The following SMAD3 variants were observed in gnomAD, a reference collection of about 807,000 sequenced individuals.
SMAD3 encodes SMAD family member 3.
In SMAD3, 12 loss-of-function variants were observed where a neutral mutation model predicts 51.8. The ratio of observed to expected loss-of-function variants is 0.23; its 90% CI spans 0.15 to 0.38. The LOEUF is 0.38. Among genes scored for constraint, SMAD3 ranks in the 10% least tolerant of loss-of-function variants. The probability of loss-of-function intolerance (pLI) is 1.00; values close to 1 mark genes in which losing one functional copy is unlikely to be tolerated. For synonymous variants in SMAD3, 238 were observed against 227.7 expected (o/e 1.05, Z -0.41); for missense variants, 294 against 565.6 (o/e 0.52, Z 4.87).
chr15:67,126,111 T>C (rs1419639264), intron 1 of SMAD3: 2 of 323,812 alleles, frequency 6.2e-6, no homozygotes, highest in Non-Finnish European at 8.9e-6. Flanking sequence ...TCTTTTCTTT[T>C]CTGGGTTCAT....
chr15:67,069,968 T>G (rs972537810), intron 1 of SMAD3, among the ~76,000 whole-genome samples: 1 of 152,164 alleles, frequency 6.6e-6, no homozygotes, highest in Non-Finnish European at 1.5e-5. Flanking sequence ...CCTGCCAAAG[T>G]GCTGGGATTA....
chr15:67,146,425 A>G (rs1184349234), intron 1 of SMAD3, among the ~76,000 whole-genome samples: 1 of 152,230 alleles, frequency 6.6e-6, no homozygotes, highest in Non-Finnish European at 1.5e-5. Flanking sequence ...TTATAGACCC[A>G]GGGCACGTGG....
At chr15:67,074,495 T>A (rs7177795) in intron 1 of SMAD3, among the ~76,000 whole-genome samples, 68,602 of 152,128 alleles carry the variant, frequency 0.45, 15,871 homozygotes, top group South Asian at 0.66. Flanking sequence ...GAGCCTTTTG[T>A]TAGGCAGCGT....
chr15:67,166,410 A>C (rs1962589993), intron 3 of SMAD3: 1 of 411,210 alleles, frequency 2.4e-6, no homozygotes, highest in Non-Finnish European at 4.6e-6. Context: ...GAGCCTGCAG[A>C]TCTTCAGAGG....
chr15:67,139,842 G>C (rs1566981298), intron 1 of SMAD3, among the ~76,000 whole-genome samples: 1 of 152,054 alleles, frequency 6.6e-6, no homozygotes, highest in Non-Finnish European at 1.5e-5. Context: ...GTTTAGGCCA[G>C]GTGTGGTGGT....
chr15:67,153,746 A>C (rs999879917), intron 1 of SMAD3, among the ~76,000 whole-genome samples: 2 of 152,298 alleles, frequency 1.3e-5, no homozygotes, highest in Non-Finnish European at 2.9e-5. Flanking sequence ...TAGCCCCAAC[A>C]AAGATTAGCC....
intron 1 of SMAD3, among the ~76,000 whole-genome samples, chr15:67,080,390 G>A (rs535535896): frequency 4.6e-5 from 7 of 152,336 alleles, no homozygotes; most frequent in Admixed American, 4.6e-4. Context: ...GAAAGGAGGT[G>A]GAGGTCAAGG....
At chr15:67,104,884 AG>A in intron 1 of SMAD3, among the ~76,000 whole-genome samples, 1 of 152,350 alleles carries the variant, frequency 6.6e-6, no homozygotes, top group East Asian at 1.9e-4. Context: ...TCCCCCTTTT[AG>A]TACTGAAAGC....
chr15:67,190,096 T>TA (rs1258779631), intron 8 of SMAD3, among the ~76,000 whole-genome samples: 2 of 152,106 alleles, frequency 1.3e-5, no homozygotes, highest in African/African-American at 2.4e-5. Flanking sequence ...GGGGGCCTGT[T>TA]ACAGTAACTG....
chr15:67,147,478 C>T (rs1253387673), intron 1 of SMAD3, among the ~76,000 whole-genome samples: 1 of 152,160 alleles, frequency 6.6e-6, no homozygotes, highest in East Asian at 1.9e-4. Flanking sequence ...GGAGCTCACT[C>T]AGAAGGATCC....
chr15:67,178,954 C>A (rs981231943), intron 5 of SMAD3, among the ~76,000 whole-genome samples: 1 of 152,178 alleles, frequency 6.6e-6, no homozygotes, highest in African/African-American at 2.4e-5. Context: ...TTTGCCTCTC[C>A]ATCTTGATGG....
In SMAD3 at chr15:67,193,740, G is replaced by A. The variant is rs11556089; in HGVS notation, c.*3204G>A. 0.074 allele frequency: 17,081 copies of A among 232,068 alleles called. 751 individuals carry two copies. The highest frequency in any genetic ancestry group is 0.095 in the Non-Finnish European group (11,091 of 117,274). The allele number at this position is 232,068 out of a possible 1,614,324, so 14.4% of individuals were successfully genotyped here. ...ATGGTGATTATTTTTTTAAACCATC[G>A]TTAATATACTGAAGTGAGCTATAGC... On this transcript the variant is annotated 3_prime_UTR_variant, in exon 9 of 9. Coordinates refer to ENST00000327367, the MANE Select transcript of SMAD3 (RefSeq NM_005902.4).
intron 3 of SMAD3, among the ~76,000 whole-genome samples, chr15:67,166,376 TA>T (rs1459141549): frequency 6.6e-6 from 1 of 152,028 alleles, no homozygotes; most frequent in African/African-American, 2.4e-5. Context: ...CAGAAGAAGA[TA>T]GTAGGGACCA....
chr15:67,098,375 CA>C (rs1389059278), intron 1 of SMAD3, among the ~76,000 whole-genome samples: 1 of 142,396 alleles, frequency 7.0e-6, no homozygotes, highest in Non-Finnish European at 1.6e-5. Flanking sequence ...AGCAAGCAAG[CA>C]AGCCAGCAGG....
chr15:67,088,729 C>G (rs1336537973), intron 1 of SMAD3, among the ~76,000 whole-genome samples: 1 of 152,142 alleles, frequency 6.6e-6, no homozygotes, highest in Non-Finnish European at 1.5e-5. Flanking sequence ...GAGTTCGAGA[C>G]CAGCCCGACC....
intron 1 of SMAD3, among the ~76,000 whole-genome samples, chr15:67,141,767 C>A (rs546287415): frequency 6.6e-6 from 1 of 152,204 alleles, no homozygotes; most frequent in Non-Finnish European, 1.5e-5. Context: ...ACCCCCCATA[C>A]ACCCATTAGA....
chr15:67,152,716 CAGTAGTCACAGACCAACCCAGATCTTTGT>C (rs1962179715), intron 1 of SMAD3, among the ~76,000 whole-genome samples: 1 of 152,186 alleles, frequency 6.6e-6, no homozygotes, highest in African/African-American at 2.4e-5. Context: ...CCCTTTCTTC[CAGTAGTCACAGACCAACCCAGATCTTTGT>C]AGCATCTTTT....
chr15:67,178,609 G>T (rs1479943279), intron 5 of SMAD3, among the ~76,000 whole-genome samples: 2 of 152,114 alleles, frequency 1.3e-5, no homozygotes, highest in Non-Finnish European at 2.9e-5. Context: ...CCTGCGCTTG[G>T]GCAGTGGTGG....
At chr15:67,176,766 G>A (rs1028466132) in intron 5 of SMAD3, among the ~76,000 whole-genome samples, 5 of 152,328 alleles carry the variant, frequency 3.3e-5, no homozygotes, top group African/African-American at 9.6e-5. Context: ...AAGTCTGGCC[G>A]ACACCACACT....
Sources: allele counts gnomAD v4.1 joint callset (sites outside exome capture counted in the v4.1 genomes callset), GRCh38; gene constraint gnomAD v4.1.1; transcripts MANE v1.5; gene names NCBI Gene and HGNC (gene_info 2026-07-23, HGNC 2026-07-21).